DGKH: variants seen among roughly 807,000 people sequenced by gnomAD.
The protein encoded by DGKH is DAG kinase eta.
DGKH carries 90 observed loss-of-function variants against 159.3 expected under a neutral mutation model. The observed-to-expected ratio is 0.57, with a 90% CI of 0.48 to 0.67. The LOEUF (loss-of-function observed/expected upper bound fraction) is 0.67, where lower values mean the gene tolerates loss of function less well. Among genes scored for constraint, DGKH ranks in the 30% least tolerant of loss-of-function variants. The pLI, the probability that DGKH is intolerant of heterozygous loss-of-function variation, is 0.00. For missense variants in DGKH, 1,181 were observed against 1,506.1 expected (o/e 0.78, Z 3.57); for synonymous variants, 536 against 553.8 (o/e 0.97, Z 0.45).
chr13:42,102,717 C>T (rs909022785), intron 1 of DGKH, among the ~76,000 whole-genome samples: 9 of 152,184 alleles, frequency 5.9e-5, no homozygotes, highest in African/African-American at 1.4e-4. Flanking sequence ...GGGGCCTGGA[C>T]GTTTTCCCTA....
At chr13:42,119,172 C>G (rs983365560) in intron 1 of DGKH, among the ~76,000 whole-genome samples, 2 of 152,212 alleles carry the variant, frequency 1.3e-5, no homozygotes, top group African/African-American at 4.8e-5. Flanking sequence ...CGGAATCCCC[C>G]TTGGCAGTGG....
intron 5 of DGKH, among the ~76,000 whole-genome samples, chr13:42,157,166 A>G (rs1401746632): frequency 2.0e-5 from 3 of 152,224 alleles, no homozygotes; most frequent in Non-Finnish European, 4.4e-5. Flanking sequence ...GACTTAAAGA[A>G]TGATTGCAAA....
intron 30 of DGKH, among the ~76,000 whole-genome samples, chr13:42,255,296 A>G (rs1416367105): frequency 6.6e-6 from 1 of 152,186 alleles, no homozygotes; most frequent in East Asian, 1.9e-4. Context: ...TTTTAATTGA[A>G]TAAGAATTTT....
At chr13:42,110,597 C>CATTCATTCATTCATTCATTT (rs1377339957) in intron 1 of DGKH, among the ~76,000 whole-genome samples, 10 of 152,130 alleles carry the variant, frequency 6.6e-5, no homozygotes. Flanking sequence ...ATCATTCATT[C>CATTCATTCATTCATTCATTT]ATTCATTCAT....
intron 20 of DGKH, 65 bp from the exon 21 acceptor site, chr13:42,205,974 T>A: frequency 9.1e-6 from 9 of 991,584 alleles, no homozygotes; most frequent in Non-Finnish European, 1.2e-5. Flanking sequence ...TTTAGTATCT[T>A]CCATACTAGT....
chr13:42,206,027 T>C lies in DGKH; in HGVS notation c.2494-12T>C. 2 of 1,335,906 alleles carry C rather than the reference T, an allele frequency of 1.5e-6. No homozygotes were observed. The highest frequency in any genetic ancestry group is 2.4e-5 in the South Asian group (1 of 41,428). 82.8% of individuals were successfully genotyped at this position (1,335,906 alleles called of 1,614,324 possible). A position where few individuals can be genotyped will look rare whatever the true frequency, so the allele number is the denominator to read the frequency against. ...CTAATCTCTACTTTTTTTTTTTTTT[T>C]TTACCTTACAGTGTGATGGGCAGTA... On this transcript the variant is annotated splice_polypyrimidine_tract_variant and intron_variant, in intron 20 of 29. Coordinates refer to ENST00000337343, the MANE Select transcript of DGKH (RefSeq NM_178009.5).
chr13:42,195,409 C>T (rs975403143), intron 17 of DGKH, among the ~76,000 whole-genome samples: 1 of 151,994 alleles, frequency 6.6e-6, no homozygotes, highest in East Asian at 1.9e-4. Context: ...GGCTGAGGCC[C>T]GAGAATTGCT....
intron 1 of DGKH, 87 bp downstream of exon 1, chr13:42,049,052 C>T: frequency 1.1e-6 from 1 of 910,762 alleles, no homozygotes; most frequent in East Asian, 1.4e-4. Flanking sequence ...CGGGCGATCC[C>T]GGGAAGGCGG....
intron 3 of DGKH, among the ~76,000 whole-genome samples, chr13:42,154,736 A>G (rs1054953677): frequency 6.6e-6 from 1 of 152,144 alleles, no homozygotes; most frequent in African/African-American, 2.4e-5. Context: ...AATATTCTTG[A>G]TACCATAATA....
At chr13:42,243,131 C>T (rs1401259708), downstream of DGKH, among the ~76,000 whole-genome samples, 2 of 152,188 alleles carry the variant, frequency 1.3e-5, no homozygotes, top group South Asian at 4.1e-4. Context: ...CACAAGGACC[C>T]GTAATACAGA....
At chr13:42,123,072 C>T (rs192625847) in intron 1 of DGKH, among the ~76,000 whole-genome samples, 55 of 152,184 alleles carry the variant, frequency 3.6e-4, no homozygotes, top group African/African-American at 1.2e-3. Context: ...CATTTGCTAC[C>T]AAAAAGCCAA....
At chr13:42,151,609 ACACACC>A (rs1381252796) in intron 3 of DGKH, among the ~76,000 whole-genome samples, 62 of 103,806 alleles carry the variant, frequency 6.0e-4, no homozygotes, top group Non-Finnish European at 9.7e-4. Context: ...ACACACACAC[ACACACC>A]CCATGGAAAA....
intron 1 of DGKH, among the ~76,000 whole-genome samples, chr13:42,107,781 G>A (rs975333579): frequency 2.0e-5 from 3 of 152,006 alleles, no homozygotes; most frequent in African/African-American, 7.2e-5. Context: ...TAGCTTTGGT[G>A]TGGAGACCTT....
chr13:42,109,700 G>A (rs561526981), intron 1 of DGKH, among the ~76,000 whole-genome samples: 1 of 152,102 alleles, frequency 6.6e-6, no homozygotes, highest in East Asian at 1.9e-4. Context: ...GTCTGTTGCT[G>A]TTTTTTCTAG....
intron 29 of DGKH, among the ~76,000 whole-genome samples, chr13:42,221,957 T>C (rs916378276): frequency 2.0e-5 from 3 of 152,240 alleles, no homozygotes; most frequent in Non-Finnish European, 4.4e-5. Context: ...ATTAAAATTC[T>C]ATTATTCTCA....
At chr13:42,249,977 GTT>G (rs1555284476) in intron 29 of DGKH, among the ~76,000 whole-genome samples, 1 of 141,652 alleles carries the variant, frequency 7.1e-6, no homozygotes. Context: ...TTGTTTTTTT[GTT>G]TTTTTTTTTT....
chr13:42,109,672 G>A (rs963040524), intron 1 of DGKH, among the ~76,000 whole-genome samples: 11 of 140,408 alleles, frequency 7.8e-5, no homozygotes, highest in South Asian at 6.5e-4. Flanking sequence ...GTGTGTGTGC[G>A]TGTGTGTGTG....
intron 1 of DGKH, chr13:42,070,180 C>T: frequency 1.1e-6 from 1 of 946,564 alleles, no homozygotes; most frequent in Non-Finnish European, 1.8e-6. Flanking sequence ...TGCTATTAAC[C>T]AATCCATGGG....
At chr13:42,109,723 C>T (rs1279576634) in intron 1 of DGKH, among the ~76,000 whole-genome samples, 1 of 151,972 alleles carries the variant, frequency 6.6e-6, no homozygotes, top group Non-Finnish European at 1.5e-5. Flanking sequence ...ATTTGCACAG[C>T]CTTCATCTCT....
Sources: gnomAD v4.1 joint callset for allele counts (sites outside exome capture counted in the v4.1 genomes callset) on GRCh38, gnomAD v4.1.1 for gene constraint, MANE v1.5 for transcripts, NCBI Gene and HGNC (gene_info 2026-07-23, HGNC 2026-07-21) for gene names.